Variants in PHEX observed in about 807,000 individuals in gnomAD.
The protein encoded by PHEX is phosphate regulating endopeptidase X-linked.
PHEX carries 16 observed loss-of-function variants against 68.0 expected under a neutral mutation model. That is an observed-to-expected ratio of 0.24 (90% CI 0.16 to 0.36). The LOEUF (loss-of-function observed/expected upper bound fraction) is 0.36. Ranked by LOEUF, PHEX falls within the 10% of genes least tolerant of loss-of-function variation. The pLI, the probability that PHEX is intolerant of heterozygous loss-of-function variation, is 1.00. For synonymous variants in PHEX, 208 were observed against 205.1 expected, an observed-to-expected ratio of 1.01 and a Z score of -0.12; for missense variants, 480 against 575.5, an observed-to-expected ratio of 0.83 and a Z score of 1.70.
chrX:22,132,825 T>C (rs1485599702), intron 11 of PHEX, among the ~76,000 whole-genome samples: 4 of 111,552 alleles, frequency 3.6e-5, no homozygotes, highest in Non-Finnish European at 7.5e-5. Flanking sequence ...TATACCCGTA[T>C]AATTCATTTT....
At chrX:22,059,631 C>A (rs987819513) in intron 3 of PHEX, among the ~76,000 whole-genome samples, 5 of 111,864 alleles carry the variant, frequency 4.5e-5, no homozygotes, top group African/African-American at 1.6e-4. Flanking sequence ...GCAGAAAAAA[C>A]CATTAAGAAC....
At chrX:22,241,780 A>G (rs1199946951) in intron 20 of PHEX, among the ~76,000 whole-genome samples, 1 of 112,089 alleles carries the variant, frequency 8.9e-6, no homozygotes, top group African/African-American at 3.2e-5. Context: ...GGTAGCAATT[A>G]ATAGCCTACT....
At chrX:22,177,929 G>A (rs1203139353) in intron 13 of PHEX, among the ~76,000 whole-genome samples, 1 of 112,171 alleles carries the variant, frequency 8.9e-6, no homozygotes, top group Non-Finnish European at 1.9e-5. Flanking sequence ...AAGGACTCGT[G>A]AGCCAAGAAA....
At chrX:22,209,727 CTCCCTCTGCTCCCTCTG>C (rs1934838000) in intron 15 of PHEX, among the ~76,000 whole-genome samples, 2 of 56,620 alleles carry the variant, frequency 3.5e-5, no homozygotes, top group Non-Finnish European at 7.8e-5. Flanking sequence ...GCTCCCTCTG[CTCCCTCTGCTCCCTCTG>C]CTCCCTCTCC....
At chrX:22,172,391 G>C (rs772453090) in intron 13 of PHEX, 1 of 111,830 alleles carries the variant, frequency 8.9e-6, no homozygotes, top group African/African-American at 3.2e-5. Flanking sequence ...TGGAAGGCAA[G>C]AAGAGGGAAA....
chrX:22,204,897 A>G (rs1361369215), intron 15 of PHEX, among the ~76,000 whole-genome samples: 1 of 111,539 alleles, frequency 9.0e-6, no homozygotes, highest in Non-Finnish European at 1.9e-5. Flanking sequence ...TTAGTAATAT[A>G]AGCACACACT....
At chrX:22,103,766 A>G (rs34895832) in intron 9 of PHEX, among the ~76,000 whole-genome samples, 13,775 of 111,629 alleles carry the variant, frequency 0.12, 1,375 homozygotes, top group African/African-American at 0.33. Context: ...TGCTATAAAC[A>G]TGCATGAGCT....
In PHEX at chrX:22,102,477, A is replaced by G. The variant is rs188539803; in HGVS notation, c.1079+3326A>G. ...TTTTTAAAAATCCATTTATCTGTTGATGGACACTTAGGTTGCTTCTGGCAG... is the reference window on the plus strand; with the variant it reads ...TTTTTAAAAATCCATTTATCTGTTGGTGGACACTTAGGTTGCTTCTGGCAG... On this transcript the variant is annotated intron_variant, in intron 9 of 21. Transcript: ENST00000379374. Among the ~76,000 whole-genome samples, 191 of 112,102 alleles carry G rather than the reference A, an allele frequency of 1.7e-3. 1 individual carries two copies. The highest frequency in any genetic ancestry group is 9.3e-3 in the Middle Eastern group (2 of 216).
At position 22,249,085 on chromosome X, in the gene PHEX, A is replaced by C. The variant is rs1012374771; in HGVS notation, c.*1132A>C. 9.1e-6 allele frequency: 1 copy of C among 110,234 alleles called. No individual in the cohort carries two copies. The highest frequency in any genetic ancestry group is 3.3e-5 in the African/African-American group (1 of 30,169). The allele number at this position is 110,234 out of a possible 1,213,427, so 9.1% of individuals were successfully genotyped here. On this transcript the variant is annotated 3_prime_UTR_variant, in exon 22 of 22. Coordinates refer to ENST00000379374, the MANE Select transcript of PHEX (RefSeq NM_000444.6). ...ATTGATTCAATTTAAAATTCCCTGCATAGTCCAAATAAACATAATTTTTAC... is the reference window on the plus strand; with the variant it reads ...ATTGATTCAATTTAAAATTCCCTGCCTAGTCCAAATAAACATAATTTTTAC...
At chrX:22,152,874 T>C (rs1401531187) in intron 12 of PHEX, among the ~76,000 whole-genome samples, 2 of 112,213 alleles carry the variant, frequency 1.8e-5, no homozygotes, top group Admixed American at 9.5e-5. Flanking sequence ...CTTTGTACGA[T>C]ATAGTGCAGT....
intron 13 of PHEX, 60 bp downstream of exon 13, chrX:22,168,449 T>C: frequency 1.4e-6 from 1 of 734,115 alleles, no homozygotes; most frequent in South Asian, 2.1e-5. Context: ...CCTTGTGCCT[T>C]TCAACTAACC....
chrX:22,137,753 C>T (rs1024128390), intron 12 of PHEX, among the ~76,000 whole-genome samples: 9 of 111,665 alleles, frequency 8.1e-5, no homozygotes, highest in African/African-American at 2.0e-4. Flanking sequence ...GATTCTGCTG[C>T]GTGAAAAGGG....
intron 13 of PHEX, among the ~76,000 whole-genome samples, chrX:22,174,483 T>C (rs998292934): frequency 1.8e-5 from 2 of 111,820 alleles, no homozygotes; most frequent in Non-Finnish European, 3.8e-5. Context: ...CTTCTAAAAG[T>C]AAAAACTGAT....
intron 5 of PHEX, among the ~76,000 whole-genome samples, chrX:22,083,091 A>G (rs1243715994): frequency 1.8e-5 from 2 of 112,115 alleles, no homozygotes; most frequent in Admixed American, 1.9e-4. Flanking sequence ...AAAACAAGCA[A>G]TGGGTAAAGG....
chrX:22,046,178 T>C (rs1927518723), intron 2 of PHEX, among the ~76,000 whole-genome samples: 1 of 112,116 alleles, frequency 8.9e-6, no homozygotes, highest in Non-Finnish European at 1.9e-5. Context: ...TTGGTTCTTC[T>C]CTATGTGTCC....
chrX:22,168,235 C>G, intron 12 of PHEX, 77 bp from the exon 13 acceptor site: 1 of 738,456 alleles, frequency 1.4e-6, no homozygotes, highest in Non-Finnish European at 2.1e-6. Context: ...AGATGAAGGG[C>G]GCATTTCTAC....
At chrX:22,055,174 C>CAAGAAAAAAAAAAAAAAA (rs1928024140) in intron 3 of PHEX, among the ~76,000 whole-genome samples, 1 of 66,089 alleles carries the variant, frequency 1.5e-5, no homozygotes, top group Non-Finnish European at 3.0e-5. Flanking sequence ...GACTCCAGCT[C>CAAGAAAAAAAAAAAAAAA]AAAAAAAAAA....
intron 12 of PHEX, among the ~76,000 whole-genome samples, chrX:22,137,909 A>G (rs747675418): frequency 2.0e-4 from 22 of 111,752 alleles, no homozygotes; most frequent in African/African-American, 7.1e-4. Context: ...ACGGGGAATG[A>G]CCACACCTTC....
intron 20 of PHEX, among the ~76,000 whole-genome samples, chrX:22,230,248 T>G (rs1468768286): frequency 2.2e-5 from 2 of 92,073 alleles, no homozygotes; most frequent in African/African-American, 8.0e-5. Flanking sequence ...TTTTTTTTTT[T>G]TTTTTTTTTT....
Sources: gnomAD v4.1 joint callset for allele counts (sites outside exome capture counted in the v4.1 genomes callset) on GRCh38, gnomAD v4.1.1 for gene constraint, MANE v1.5 for transcripts, NCBI Gene and HGNC (gene_info 2026-07-23, HGNC 2026-07-21) for gene names.